The following BBX variants were observed in gnomAD, a reference collection of about 807,000 sequenced individuals.
The protein encoded by BBX is HMG box transcription factor BBX.
In BBX, 30 loss-of-function variants were observed where a neutral mutation model predicts 100.2. The observed-to-expected ratio is 0.30, with a 90% CI of 0.22 to 0.41. The LOEUF is 0.41. Among genes scored for constraint, BBX ranks in the 10% least tolerant of loss-of-function variants. The pLI is 1.00. For missense variants in BBX, 1,023 were observed against 1,129.8 expected (o/e 0.91, Z 1.35); for synonymous variants, 376 against 388.1 (o/e 0.97, Z 0.37).
intron 9 of BBX, among the ~76,000 whole-genome samples, chr3:107,753,496 A>ATTTTT (rs2065233777): frequency 6.6e-6 from 1 of 152,170 alleles, no homozygotes; most frequent in African/African-American, 2.4e-5. Flanking sequence ...TCCCAGAGGC[A>ATTTTT]ATAAGGAAAA....
intron 2 of BBX, among the ~76,000 whole-genome samples, chr3:107,534,139 T>C (rs2048339696): frequency 6.6e-6 from 1 of 152,224 alleles, no homozygotes; most frequent in African/African-American, 2.4e-5. Flanking sequence ...TGCTAAGGAA[T>C]TGTTTATTGA....
intron 5 of BBX, among the ~76,000 whole-genome samples, chr3:107,722,866 A>G (rs1246250690): frequency 6.6e-6 from 1 of 152,020 alleles, no homozygotes; most frequent in African/African-American, 2.4e-5. Context: ...AAACTAAGGA[A>G]GTAACAGATT....
chr3:107,674,268 C>T (rs1354892925), intron 3 of BBX, among the ~76,000 whole-genome samples: 1 of 152,080 alleles, frequency 6.6e-6, no homozygotes, highest in Non-Finnish European at 1.5e-5. Flanking sequence ...TAGTAAGTAC[C>T]GTAACGCCTT....
intron 3 of BBX, among the ~76,000 whole-genome samples, chr3:107,681,056 G>A (rs2059547530): frequency 6.6e-6 from 1 of 152,134 alleles, no homozygotes; most frequent in Admixed American, 6.6e-5. Flanking sequence ...ACACCTGAAT[G>A]GTGGAAGCCC....
At chr3:107,626,192 C>A (rs2056160958) in intron 2 of BBX, among the ~76,000 whole-genome samples, 1 of 152,100 alleles carries the variant, frequency 6.6e-6, no homozygotes, top group South Asian at 2.1e-4. Context: ...GAAACATGTT[C>A]TATATGGGTG....
chr3:107,773,294 A>C lies in BBX; in HGVS notation c.1573A>C (p.Lys525Gln), dbSNP rs761236015. The change falls in exon 11 of 18, where the codon AAG becomes CAG. Residue 525 changes from lysine (K) to glutamine (Q), a missense_variant. Lys to Gln is a moderately conservative substitution (Grantham distance 53, BLOSUM62 1). Around this residue, in one of 9 missense-constraint regions of BBX, gnomAD observed 348 missense variants for 353.2 expected, o/e 0.99. Coordinates refer to ENST00000325805, the MANE Select transcript of BBX (RefSeq NM_001142568.3). The surrounding 1 kb of genome is among the most constrained non-coding windows in gnomAD (Gnocchi z 4.1). ...TGGCAAGGGAAGCATTTTGGATGCC[A>C]AGCCACCAAAGAAAAAAGTGAAATC... ...SSGKGSILDA[K>Q]PPKKKVKSRE... is the part of the protein sequence containing the mutation. 3.1e-6 allele frequency: 5 copies of C among 1,613,976 alleles called. No individual in the cohort carries two copies. The South Asian group carries it at 4.4e-5, about 14-fold the overall frequency.
At chr3:107,737,605 A>G (rs556082176) in intron 7 of BBX, among the ~76,000 whole-genome samples, 56 of 152,282 alleles carry the variant, frequency 3.7e-4, no homozygotes, top group African/African-American at 1.2e-3. Flanking sequence ...TTACATGACA[A>G]GTGTTTATTG....
rs764845906 is a variant in BBX, at chr3:107,773,430, A to T, written c.1709A>T (p.Glu570Val). 14 of 1,614,002 alleles carry T rather than the reference A, an allele frequency of 8.7e-6. No homozygotes were observed. Among genetic ancestry groups the T allele is most frequent in the Non-Finnish European group, 1.1e-5 (13 of 1,179,998 alleles). Residue 570 changes from glutamate (E) to valine (V), a missense_variant, in exon 11 of 18, where the codon GAG (glutamate) becomes GTG (valine). Glu to Val is a moderately radical substitution (Grantham distance 121). Coordinates refer to ENST00000325805, the MANE Select transcript of BBX (RefSeq NM_001142568.3). The surrounding 1 kb of genome is among the most constrained non-coding windows in gnomAD (Gnocchi z 4.1). ...ASKNISGETPEGIKAEPLTPM... is the reference protein window; with the variant it reads ...ASKNISGETPVGIKAEPLTPM... ...AAGAACATTTCTGGTGAGACACCAGAGGGTATAAAAGCAGAACCATTGACC... is the reference window on the plus strand; with the variant it reads ...AAGAACATTTCTGGTGAGACACCAGTGGGTATAAAAGCAGAACCATTGACC...
chr3:107,679,187 G>A (rs557452829), intron 3 of BBX, among the ~76,000 whole-genome samples: 39 of 150,788 alleles, frequency 2.6e-4, no homozygotes, highest in Non-Finnish European at 5.6e-4. Context: ...TTGAAATGGC[G>A]TCTGTGCCAT....
Position 107,761,325 on chromosome 3 carries a change from A to G in BBX, c.906+5647A>G, listed in dbSNP as rs1461062887. On this transcript the variant is annotated intron_variant, in intron 10 of 17. Coordinates refer to ENST00000325805, the MANE Select transcript of BBX (RefSeq NM_001142568.3). ...TTTAGTGCAGAGCAAATAAATATAT[A>G]CTTGAAAATAATGAGGAGCCATTGA... Among the ~76,000 whole-genome samples the G allele has an allele frequency of 2.0e-5, 3 of 152,318 alleles. No homozygotes were observed. The East Asian group carries it at 5.8e-4, about 29-fold the overall frequency.
At chr3:107,635,256 A>G (rs1047974150) in intron 2 of BBX, among the ~76,000 whole-genome samples, 1 of 152,172 alleles carries the variant, frequency 6.6e-6, no homozygotes, top group Non-Finnish European at 1.5e-5. Context: ...GGAGGCATGT[A>G]TGGTAACTCT....
chr3:107,686,883 G>A (rs953907544), intron 3 of BBX, among the ~76,000 whole-genome samples: 1 of 152,108 alleles, frequency 6.6e-6, no homozygotes, highest in African/African-American at 2.4e-5. Flanking sequence ...ACCCGTTAAA[G>A]GTCCAGATCT....
intron 3 of BBX, among the ~76,000 whole-genome samples, chr3:107,699,140 A>C (rs1408074201): frequency 6.6e-6 from 1 of 151,852 alleles, no homozygotes; most frequent in Non-Finnish European, 1.5e-5. Flanking sequence ...ATAAAGAAGG[A>C]AACAGGTCAT....
At chr3:107,550,125 T>G (rs1412520137) in intron 2 of BBX, among the ~76,000 whole-genome samples, 2 of 152,150 alleles carry the variant, frequency 1.3e-5, no homozygotes, top group African/African-American at 2.4e-5. Flanking sequence ...TAAGGATAGG[T>G]AAGATACATG....
intron 1 of BBX, chr3:107,525,622 A>G (rs1192535418): frequency 6.6e-6 from 1 of 152,268 alleles, no homozygotes; most frequent in Non-Finnish European, 1.5e-5. Flanking sequence ...CTAAGATGCA[A>G]ACTTGATGGT....
intron 3 of BBX, among the ~76,000 whole-genome samples, chr3:107,651,965 G>C (rs1260636946): frequency 6.6e-6 from 1 of 152,112 alleles, no homozygotes; most frequent in African/African-American, 2.4e-5. Flanking sequence ...GGGCTTTACT[G>C]GTTCAACCAG....
chr3:107,693,062 A>C (rs2060298596), intron 3 of BBX, among the ~76,000 whole-genome samples: 11 of 134,542 alleles, frequency 8.2e-5, no homozygotes, highest in Admixed American at 7.5e-5. Flanking sequence ...TTTTTCTTGT[A>C]AATTTGTTTG....
chr3:107,783,719 T>C (rs915319387), intron 13 of BBX, among the ~76,000 whole-genome samples: 2 of 152,038 alleles, frequency 1.3e-5, no homozygotes, highest in African/African-American at 2.4e-5. Context: ...ATAAAACACA[T>C]GAGGCAGTGA....
intron 2 of BBX, among the ~76,000 whole-genome samples, chr3:107,617,104 T>C (rs2055348655): frequency 6.6e-6 from 1 of 152,220 alleles, no homozygotes; most frequent in South Asian, 2.1e-4. Context: ...TTTTTTTGCC[T>C]GTGTAAGTCT....
Sources: gnomAD v4.1 joint callset for allele counts (sites outside exome capture counted in the v4.1 genomes callset) on GRCh38, gnomAD v4.1.1 for gene constraint, gnomAD v4.1.1 regional missense constraint, Gnocchi (gnomAD v3.1) non-coding constraint, MANE v1.5 for transcripts, NCBI Gene and HGNC (gene_info 2026-07-23, HGNC 2026-07-21) for gene names.